Variants in MARCHF3 observed in about 807,000 individuals in gnomAD.
MARCHF3 encodes E3 ubiquitin-protein ligase MARCHF3.
In MARCHF3, 13 loss-of-function variants were observed where a neutral mutation model predicts 24.2. The observed-to-expected ratio is 0.54, with a 90% CI of 0.35 to 0.85. The LOEUF is 0.85. Ranked by LOEUF, MARCHF3 falls within the 40% of genes least tolerant of loss-of-function variation. The pLI, the probability that MARCHF3 is intolerant of heterozygous loss-of-function variation, is 0.01. For missense variants in MARCHF3, 276 were observed against 325.0 expected (o/e 0.85, Z 1.16); for synonymous variants, 144 against 137.3 (o/e 1.05, Z -0.34).
intron 3 of MARCHF3, among the ~76,000 whole-genome samples, chr5:126,912,338 G>A (rs772870161): frequency 9.9e-5 from 15 of 152,272 alleles, no homozygotes; most frequent in Admixed American, 2.6e-4. Flanking sequence ...CAATGTTAGC[G>A]TTTAGATGCT....
At chr5:127,012,199 C>A (rs1279893883) in intron 1 of MARCHF3, among the ~76,000 whole-genome samples, 2 of 152,172 alleles carry the variant, frequency 1.3e-5, no homozygotes, top group Non-Finnish European at 1.5e-5. Flanking sequence ...ATATTTAGCA[C>A]AAAATGTAGC....
At chr5:126,870,814 A>C (rs200605178) in intron 4 of MARCHF3, 23 bp from the exon 5 acceptor site, 1 of 1,612,434 alleles carries the variant, frequency 6.2e-7, no homozygotes, top group East Asian at 2.2e-5. Context: ...GAGGAAAAGT[A>C]AGAGAAAAGA....
chr5:126,908,635 C>T (rs1754391671), intron 3 of MARCHF3, among the ~76,000 whole-genome samples: 1 of 151,976 alleles, frequency 6.6e-6, no homozygotes, highest in Non-Finnish European at 1.5e-5. Flanking sequence ...CTTCTGCATT[C>T]TTCATGTTGC....
chr5:126,995,864 C>T (rs936812033), intron 1 of MARCHF3, among the ~76,000 whole-genome samples: 7 of 152,160 alleles, frequency 4.6e-5, no homozygotes, highest in South Asian at 2.1e-4. Context: ...TCAGATAACT[C>T]GAATGGAAGG....
intron 1 of MARCHF3, among the ~76,000 whole-genome samples, chr5:127,001,792 G>A (rs1031832839): frequency 6.6e-6 from 1 of 152,190 alleles, no homozygotes; most frequent in African/African-American, 2.4e-5. Flanking sequence ...CATGATGCAA[G>A]TAAGTCACAG....
At chr5:126,934,784 T>G (rs908138264) in intron 1 of MARCHF3, among the ~76,000 whole-genome samples, 2 of 152,178 alleles carry the variant, frequency 1.3e-5, no homozygotes, top group Non-Finnish European at 2.9e-5. Context: ...AGTCCCATTT[T>G]TCTATCAATT....
intron 1 of MARCHF3, among the ~76,000 whole-genome samples, chr5:127,017,056 T>C (rs530110815): frequency 2.6e-5 from 4 of 152,196 alleles, no homozygotes; most frequent in East Asian, 1.9e-4. Context: ...TAGGTGTGAA[T>C]TGAACAATGA....
At chr5:126,976,511 C>T (rs1305724151) in intron 1 of MARCHF3, among the ~76,000 whole-genome samples, 1 of 151,436 alleles carries the variant, frequency 6.6e-6, no homozygotes, top group African/African-American at 2.4e-5. Flanking sequence ...GGCACTCAGC[C>T]CCTGTGTGGT....
intron 1 of MARCHF3, among the ~76,000 whole-genome samples, chr5:126,923,376 A>G: frequency 6.6e-6 from 1 of 152,224 alleles, no homozygotes; most frequent in Non-Finnish European, 1.5e-5. Flanking sequence ...TCTTAGATGG[A>G]GGTCAAGAAG....
intron 1 of MARCHF3, among the ~76,000 whole-genome samples, chr5:126,938,730 G>A (rs1749728526): frequency 6.6e-6 from 1 of 152,074 alleles, no homozygotes; most frequent in African/African-American, 2.4e-5. Flanking sequence ...CATAGCATTT[G>A]TAGGCAGGAA....
intron 1 of MARCHF3, among the ~76,000 whole-genome samples, chr5:126,989,930 C>T (rs1751695502): frequency 6.6e-6 from 1 of 152,034 alleles, no homozygotes; most frequent in South Asian, 2.1e-4. Flanking sequence ...TTGAGACCAG[C>T]CTGGCCAATA....
At chr5:126,993,070 C>CG (rs1751826295) in intron 1 of MARCHF3, among the ~76,000 whole-genome samples, 1 of 152,142 alleles carries the variant, frequency 6.6e-6, no homozygotes, top group Non-Finnish European at 1.5e-5. Context: ...CTGCGCCTGG[C>CG]CGACATCCCC....
At chr5:126,887,336 A>T (rs1193201910) in intron 3 of MARCHF3, among the ~76,000 whole-genome samples, 2 of 152,262 alleles carry the variant, frequency 1.3e-5, no homozygotes, top group Non-Finnish European at 2.9e-5. Flanking sequence ...TCTAGGTGGC[A>T]TCAGCAGTAC....
intron 3 of MARCHF3, among the ~76,000 whole-genome samples, chr5:126,893,426 T>C (rs1435960387): frequency 6.6e-6 from 1 of 151,778 alleles, no homozygotes; most frequent in Non-Finnish European, 1.5e-5. Flanking sequence ...TGTGGGCATT[T>C]AGTGCTATAA....
chr5:126,979,230 C>T (rs183505400), intron 1 of MARCHF3, among the ~76,000 whole-genome samples: 2 of 152,154 alleles, frequency 1.3e-5, no homozygotes, highest in East Asian at 3.9e-4. Flanking sequence ...AACCAGACTG[C>T]GGCTCTTTAG....
chr5:126,967,318 T>C (rs1266828327), intron 1 of MARCHF3, among the ~76,000 whole-genome samples: 2 of 152,116 alleles, frequency 1.3e-5, no homozygotes, highest in Non-Finnish European at 2.9e-5. Context: ...CTTGTAAAAA[T>C]ATGTGCGTGT....
At chr5:126,972,398 T>C (rs1314830193) in intron 1 of MARCHF3, among the ~76,000 whole-genome samples, 1 of 152,162 alleles carries the variant, frequency 6.6e-6, no homozygotes, top group Non-Finnish European at 1.5e-5. Context: ...ATCACTACTG[T>C]GCTTCGTTTC....
At chr5:127,016,253 TTA>T (rs1369287515) in intron 1 of MARCHF3, among the ~76,000 whole-genome samples, 10 of 152,178 alleles carry the variant, frequency 6.6e-5, no homozygotes, top group Admixed American at 5.9e-4. Flanking sequence ...TGAACTACTG[TTA>T]TGAGTTCAAA....
intron 1 of MARCHF3, among the ~76,000 whole-genome samples, chr5:127,027,380 C>G (rs1753033898): frequency 6.6e-6 from 1 of 152,168 alleles, no homozygotes; most frequent in African/African-American, 2.4e-5. Flanking sequence ...AGTAGCCCAG[C>G]TGAGGTGCTG....
Sources: gnomAD v4.1 joint callset for allele counts (sites outside exome capture counted in the v4.1 genomes callset) on GRCh38, gnomAD v4.1.1 for gene constraint, MANE v1.5 for transcripts, NCBI Gene and HGNC (gene_info 2026-07-23, HGNC 2026-07-21) for gene names.